Variants in DLG2 observed in about 807,000 individuals in gnomAD.
DLG2 encodes the protein disks large homolog 2.
DLG2 carries 45 observed loss-of-function variants against 132.5 expected under a neutral mutation model. That is an observed-to-expected ratio of 0.34 (90% CI 0.27 to 0.44). DLG2 has a LOEUF of 0.44. Among genes scored for constraint, DLG2 ranks in the 20% least tolerant of loss-of-function variants. The pLI is 1.00. For synonymous variants in DLG2, 424 were observed against 419.6 expected, an observed-to-expected ratio of 1.01 and a Z score of -0.13; for missense variants, 1,045 against 1,196.9, an observed-to-expected ratio of 0.87 and a Z score of 1.87.
chr11:83,887,257 T>C (rs9666097), intron 15 of DLG2, among the ~76,000 whole-genome samples: 106,998 of 151,248 alleles, frequency 0.71, 38,805 homozygotes, highest in East Asian at 0.88. Flanking sequence ...TAAAAAATGA[T>C]AAAGGGGATA....
chr11:85,380,152 A>AC lies in DLG2; in HGVS notation c.41-94788dup, dbSNP rs527557476. ...TAACTACTGAACCTAGCTGTGCTAGACCCTAGAGATACAAAAAATGTAAGA... is the reference window on the plus strand; with the variant it reads ...TAACTACTGAACCTAGCTGTGCTAGACCCCTAGAGATACAAAAAATGTAAGA... On this transcript the variant is annotated intron_variant, in intron 3 of 27. Coordinates refer to ENST00000376104, the MANE Select transcript of DLG2 (RefSeq NM_001142699.3). Among the ~76,000 whole-genome samples the AC allele has an allele frequency of 2.5e-4, 29 of 117,782 alleles. 2 individuals are homozygous for AC. The South Asian group carries it at 8.2e-3, about 33-fold the overall frequency. The allele number at this position is 117,782 out of a possible 152,430, so 77.3% of individuals were successfully genotyped here.
chr11:84,162,905 T>C (rs2095578598), intron 9 of DLG2, among the ~76,000 whole-genome samples: 1 of 152,140 alleles, frequency 6.6e-6, no homozygotes, highest in African/African-American at 2.4e-5. Context: ...CTCTTATTGT[T>C]CTGTAAAATA....
rs545524247 is a variant in DLG2 at position 85,622,726 on chromosome 11, G to A, written c.-93+3861C>T. Among the ~76,000 whole-genome samples the A allele has an allele frequency of 2.0e-5, 3 of 152,018 alleles. No individual in the cohort carries two copies. The East Asian group carries it at 5.8e-4, about 29-fold the overall frequency. ...GTGAGTCCAGGAAACTGTAATCTCA[G>A]TTTCAAGGGTGCCTATGAGATATAT... is the stretch of plus-strand genomic sequence containing the variant. On this transcript the variant is annotated intron_variant, in intron 2 of 27. Transcript: ENST00000376104.
intron 10 of DLG2, among the ~76,000 whole-genome samples, chr11:84,091,728 C>T (rs2097096687): frequency 6.6e-6 from 1 of 152,154 alleles, no homozygotes; most frequent in Non-Finnish European, 1.5e-5. Context: ...GGAATCTAGA[C>T]GTGACTCAGA....
intron 7 of DLG2, among the ~76,000 whole-genome samples, chr11:84,480,751 G>A (rs1243476391): frequency 7.1e-6 from 1 of 141,260 alleles, no homozygotes; most frequent in Non-Finnish European, 1.5e-5. Flanking sequence ...TTTCTTGGGG[G>A]TTTTCTTTTT....
At chr11:83,857,689 T>C (rs764495055) in intron 16 of DLG2, among the ~76,000 whole-genome samples, 1 of 152,226 alleles carries the variant, frequency 6.6e-6, no homozygotes, top group East Asian at 1.9e-4. Context: ...CCCTGGATGA[T>C]AATGATGTAT....
intron 10 of DLG2, among the ~76,000 whole-genome samples, chr11:84,062,223 G>T (rs2096602584): frequency 6.6e-6 from 1 of 152,160 alleles, no homozygotes; most frequent in African/African-American, 2.4e-5. Context: ...GCAGCTTTAG[G>T]ACTAGCAGTC....
intron 6 of DLG2, chr11:84,640,446 A>G: frequency 2.1e-6 from 1 of 475,388 alleles, no homozygotes. Flanking sequence ...CATTGAGCTT[A>G]TTTCAAATTC....
In DLG2 at chr11:84,086,243, G is replaced by A. The variant is rs536523650; in HGVS notation, c.749+12680C>T. ...ATCTTTAAATGAACAACAATATGAA[G>A]AAGTTGTGAGCTTTCTGAAACTAGG... On this transcript the variant is annotated intron_variant, in intron 10 of 27. Coordinates refer to ENST00000376104, the MANE Select transcript of DLG2 (RefSeq NM_001142699.3). 3.3e-5 allele frequency among the ~76,000 whole-genome samples: 5 copies of A among 152,178 alleles called. No homozygotes were observed. In the South Asian group the frequency reaches 1.0e-3, roughly 32 times the overall value.
At chr11:84,826,097 G>A (rs1402511652) in intron 6 of DLG2, among the ~76,000 whole-genome samples, 1 of 151,510 alleles carries the variant, frequency 6.6e-6, no homozygotes. Context: ...ATATATTTAT[G>A]GGTTACATGA....
chr11:83,848,589 T>G (rs898706406), intron 16 of DLG2, among the ~76,000 whole-genome samples: 6 of 152,172 alleles, frequency 3.9e-5, no homozygotes, highest in Non-Finnish European at 4.4e-5. Flanking sequence ...ACAAATGCAG[T>G]CATCTTTAAT....
chr11:83,708,169 G>T (rs1173051650), intron 18 of DLG2, among the ~76,000 whole-genome samples: 1 of 152,136 alleles, frequency 6.6e-6, no homozygotes, highest in Non-Finnish European at 1.5e-5. Context: ...CTGTGTTTAA[G>T]TTATATTTGA....
At chr11:85,390,198 G>A (rs1328884314) in intron 3 of DLG2, among the ~76,000 whole-genome samples, 1 of 151,882 alleles carries the variant, frequency 6.6e-6, no homozygotes, top group African/African-American at 2.4e-5. Context: ...GGGAGCAGAA[G>A]TAGCTATTCT....
intron 6 of DLG2, among the ~76,000 whole-genome samples, chr11:84,864,755 A>G (rs2084285052): frequency 6.6e-6 from 1 of 152,212 alleles, no homozygotes; most frequent in African/African-American, 2.4e-5. Flanking sequence ...TAGATGAAAA[A>G]GGGAGCCATT....
At chr11:83,637,426 CTT>C (rs2065137447) in intron 18 of DLG2, among the ~76,000 whole-genome samples, 1 of 152,146 alleles carries the variant, frequency 6.6e-6, no homozygotes, top group Non-Finnish European at 1.5e-5. Context: ...GTACTACATA[CTT>C]TTAAAAATAC....
intron 15 of DLG2, among the ~76,000 whole-genome samples, chr11:83,898,257 G>A (rs2072353034): frequency 6.6e-6 from 1 of 152,102 alleles, no homozygotes; most frequent in Non-Finnish European, 1.5e-5. Flanking sequence ...ACATATGTAT[G>A]TGTATACCTA....
rs547429492 is a variant in DLG2, at chr11:84,355,671, T to C, written c.520-104380A>G. On this transcript the variant is annotated intron_variant, in intron 7 of 27. Coordinates refer to ENST00000376104, the MANE Select transcript of DLG2 (RefSeq NM_001142699.3). Reference sequence around the variant, plus strand: ...AGCTTTAGAGAGTCATTAGTACAATTAGAGCATGAGAAGAGGTAAGATGAA... The same window carrying C: ...AGCTTTAGAGAGTCATTAGTACAATCAGAGCATGAGAAGAGGTAAGATGAA... Among the ~76,000 whole-genome samples, 26 of 152,156 alleles carry C rather than the reference T, an allele frequency of 1.7e-4. 1 individual carries two copies. The South Asian group carries it at 5.4e-3, about 32-fold the overall frequency.
chr11:84,354,103 G>T (rs922218018), intron 7 of DLG2, among the ~76,000 whole-genome samples: 3 of 152,080 alleles, frequency 2.0e-5, no homozygotes, highest in African/African-American at 7.2e-5. Flanking sequence ...ATTAATGAAG[G>T]TGTTGATTTA....
At chr11:84,391,762 A>G (rs2098793226) in intron 7 of DLG2, among the ~76,000 whole-genome samples, 2 of 151,912 alleles carry the variant, frequency 1.3e-5, no homozygotes, top group Admixed American at 6.6e-5. Context: ...TAAAAACCAA[A>G]TTTAAATTTA....
Sources: gnomAD v4.1 joint callset for allele counts (sites outside exome capture counted in the v4.1 genomes callset) on GRCh38, gnomAD v4.1.1 for gene constraint, MANE v1.5 for transcripts, NCBI Gene and HGNC (gene_info 2026-07-23, HGNC 2026-07-21) for gene names.